SEMA6D: variants seen among roughly 807,000 people sequenced by gnomAD.
SEMA6D encodes semaphorin-6D.
In SEMA6D, 35 loss-of-function variants were observed where a neutral mutation model predicts 106.6. The observed-to-expected ratio is 0.33, with a 90% CI of 0.25 to 0.44. The LOEUF (loss-of-function observed/expected upper bound fraction) is 0.44, where lower values mean the gene tolerates loss of function less well. Among genes scored for constraint, SEMA6D ranks in the 20% least tolerant of loss-of-function variants. The pLI is 1.00. For synonymous variants in SEMA6D, 499 were observed against 487.7 expected (o/e 1.02, Z -0.31); for missense variants, 1,185 against 1,345.9 (o/e 0.88, Z 1.87).
At chr15:47,627,317 G>A (rs889830309) in intron 4 of SEMA6D, among the ~76,000 whole-genome samples, 14 of 152,134 alleles carry the variant, frequency 9.2e-5, no homozygotes. Context: ...AGGAACACCA[G>A]AGGGAGTATT....
intron 4 of SEMA6D, among the ~76,000 whole-genome samples, chr15:47,683,764 T>C (rs2078410162): frequency 6.6e-6 from 1 of 152,230 alleles, no homozygotes; most frequent in Admixed American, 6.5e-5. Context: ...ACATGAATGA[T>C]TCCTATTCCC....
chr15:47,740,550 G>C (rs1345314253), intron 1 of SEMA6D, among the ~76,000 whole-genome samples: 1 of 151,962 alleles, frequency 6.6e-6, no homozygotes, highest in East Asian at 1.9e-4. Flanking sequence ...AAAAAACATA[G>C]ACAAGCCTTC....
At chr15:47,687,701 G>A (rs2078499027) in intron 4 of SEMA6D, among the ~76,000 whole-genome samples, 2 of 152,114 alleles carry the variant, frequency 1.3e-5, no homozygotes, top group Admixed American at 6.6e-5. Context: ...AAGGGATCCC[G>A]GCAACAGAGG....
At chr15:47,386,071 G>A (rs745520875) in intron 1 of SEMA6D, among the ~76,000 whole-genome samples, 42 of 152,160 alleles carry the variant, frequency 2.8e-4, no homozygotes, top group Non-Finnish European at 5.3e-4. Context: ...TGTAACATAT[G>A]TAAAACCATA....
intron 1 of SEMA6D, among the ~76,000 whole-genome samples, chr15:47,230,814 T>TG: frequency 6.6e-6 from 1 of 152,130 alleles, no homozygotes; most frequent in East Asian, 1.9e-4. Context: ...GTGGTTCTGA[T>TG]GCACTCTTAA....
At chr15:47,723,743 A>C (rs1043569700) in intron 1 of SEMA6D, among the ~76,000 whole-genome samples, 4 of 152,164 alleles carry the variant, frequency 2.6e-5, no homozygotes, top group African/African-American at 9.7e-5. Context: ...GAGAAGAAAC[A>C]AAAAGGGAAA....
At chr15:47,276,124 C>T (rs971468205) in intron 1 of SEMA6D, among the ~76,000 whole-genome samples, 1 of 152,086 alleles carries the variant, frequency 6.6e-6, no homozygotes, top group Admixed American at 6.6e-5. Flanking sequence ...AAGTTTGAAG[C>T]TAGCACAGGT....
intron 3 of SEMA6D, among the ~76,000 whole-genome samples, chr15:47,515,180 C>T (rs953098683): frequency 6.6e-6 from 1 of 152,162 alleles, no homozygotes; most frequent in African/African-American, 2.4e-5. Context: ...CTAACTCCCT[C>T]ACCTCCTTCA....
intron 1 of SEMA6D, among the ~76,000 whole-genome samples, chr15:47,284,361 G>C (rs1369488846): frequency 1.3e-5 from 2 of 152,184 alleles, no homozygotes. Flanking sequence ...TGAATCTGCA[G>C]TTGTGGTCAT....
intron 3 of SEMA6D, among the ~76,000 whole-genome samples, chr15:47,483,228 A>G (rs1328177480): frequency 6.6e-6 from 1 of 152,262 alleles, no homozygotes; most frequent in African/African-American, 2.4e-5. Context: ...GAAAATATTT[A>G]TAACTAATTT....
At chr15:47,307,201 C>CAATA (rs1249116110) in intron 1 of SEMA6D, among the ~76,000 whole-genome samples, 3 of 152,142 alleles carry the variant, frequency 2.0e-5, no homozygotes. Flanking sequence ...AGAGAACAGT[C>CAATA]AATAAAATGT....
chr15:47,665,721 A>T (rs1463270424), intron 4 of SEMA6D, among the ~76,000 whole-genome samples: 1 of 152,208 alleles, frequency 6.6e-6, no homozygotes, highest in East Asian at 1.9e-4. Flanking sequence ...GAGGCAGGAG[A>T]ATCACTTGAA....
At chr15:47,607,849 T>A (rs2076814100) in intron 4 of SEMA6D, among the ~76,000 whole-genome samples, 1 of 152,238 alleles carries the variant, frequency 6.6e-6, no homozygotes, top group African/African-American at 2.4e-5. Flanking sequence ...GTGATAATTC[T>A]GCAGACAGGC....
chr15:47,244,401 G>T (rs1370469872), intron 1 of SEMA6D, among the ~76,000 whole-genome samples: 1 of 152,128 alleles, frequency 6.6e-6, no homozygotes, highest in Non-Finnish European at 1.5e-5. Flanking sequence ...AAATGGATAA[G>T]CTTAGTTTTC....
chr15:47,548,180 C>T (rs1258526150), intron 3 of SEMA6D, among the ~76,000 whole-genome samples: 1 of 152,030 alleles, frequency 6.6e-6, no homozygotes, highest in East Asian at 1.9e-4. Context: ...TTGGGAATCC[C>T]CAGCGATGGG....
chr15:47,754,210 A>G (rs1369519686), intron 1 of SEMA6D, among the ~76,000 whole-genome samples: 3 of 152,176 alleles, frequency 2.0e-5, no homozygotes, highest in East Asian at 1.9e-4. Context: ...TAGGCGACAT[A>G]GTGAGACCTC....
chr15:47,597,446 C>G (rs1026569142), intron 3 of SEMA6D, among the ~76,000 whole-genome samples: 4 of 151,828 alleles, frequency 2.6e-5, no homozygotes, highest in African/African-American at 9.7e-5. Context: ...TTTACAGTGT[C>G]CAAGATGTGG....
chr15:47,732,799 T>C (rs2080206620), intron 1 of SEMA6D, among the ~76,000 whole-genome samples: 1 of 152,110 alleles, frequency 6.6e-6, no homozygotes, highest in East Asian at 1.9e-4. Context: ...TTAAAAAAAA[T>C]AAAAGATATG....
intron 1 of SEMA6D, among the ~76,000 whole-genome samples, chr15:47,739,132 C>G (rs561378123): frequency 6.6e-6 from 1 of 152,330 alleles, no homozygotes; most frequent in Non-Finnish European, 1.5e-5. Context: ...TTCAAACACT[C>G]ATAGCCCAGA....
Sources: allele counts gnomAD v4.1 joint callset (sites outside exome capture counted in the v4.1 genomes callset), GRCh38; gene constraint gnomAD v4.1.1; transcripts MANE v1.5; gene names NCBI Gene and HGNC (gene_info 2026-07-23, HGNC 2026-07-21).